COA1: variants seen among roughly 807,000 people sequenced by gnomAD.
The protein encoded by COA1 is cytochrome c oxidase assembly factor 1.
A neutral mutation model predicts 16.0 loss-of-function variants in COA1; 13 were observed. The observed-to-expected ratio is 0.81, with a 90% CI of 0.53 to 1.29. The LOEUF is 1.29. Among genes scored for constraint, COA1 ranks in the 50% most tolerant of loss-of-function variants. The probability of loss-of-function intolerance (pLI) is 0.00; values close to 1 mark genes in which losing one functional copy is unlikely to be tolerated. For synonymous variants in COA1, 65 were observed against 65.7 expected (o/e 0.99, Z 0.05); for missense variants, 179 against 177.0 (o/e 1.01, Z -0.06).
chr7:43,644,755 TAGATAGGCAGGCAGGC>T (rs2088485814), intron 4 of COA1, among the ~76,000 whole-genome samples: 2 of 115,414 alleles, frequency 1.7e-5, no homozygotes, highest in Admixed American at 9.5e-5. Flanking sequence ...GATAGATAGA[TAGATAGGCAGGCAGGC>T]AGGCAGGCAG....
intron 1 of COA1, among the ~76,000 whole-genome samples, chr7:43,688,980 C>CA (rs975215037): frequency 6.6e-6 from 1 of 152,046 alleles, no homozygotes; most frequent in African/African-American, 2.4e-5. Context: ...TTCTATCACA[C>CA]AAAAAAGAAG....
At chr7:43,638,646 GCTCA>G (rs1457283241), downstream of COA1, among the ~76,000 whole-genome samples, 1 of 145,136 alleles carries the variant, frequency 6.9e-6, no homozygotes, top group African/African-American at 2.6e-5. Context: ...TGAAATCTTG[GCTCA>G]CTGCAGCCTC....
At chr7:43,674,808 A>G (rs960261944) in intron 1 of COA1, among the ~76,000 whole-genome samples, 2 of 152,166 alleles carry the variant, frequency 1.3e-5, no homozygotes, top group South Asian at 2.1e-4. Flanking sequence ...CAAACTTCCT[A>G]TAACTACTCT....
At chr7:43,689,899 A>G (rs972457055) in intron 1 of COA1, among the ~76,000 whole-genome samples, 10 of 152,226 alleles carry the variant, frequency 6.6e-5, no homozygotes, top group Admixed American at 6.5e-4. Context: ...CAAAAGGCAC[A>G]GCTTATAAAC....
chr7:43,691,070 A>AC (rs1554541665), intron 1 of COA1, among the ~76,000 whole-genome samples: 6 of 137,064 alleles, frequency 4.4e-5, no homozygotes, highest in Admixed American at 1.5e-4. Flanking sequence ...AAAAAAAAAA[A>AC]AAAAAAACAA....
chr7:43,617,511 T>G (rs2083460638), intron 6 of COA1, among the ~76,000 whole-genome samples: 3 of 151,904 alleles, frequency 2.0e-5, no homozygotes, highest in Non-Finnish European at 4.4e-5. Context: ...ATGGCCAAGA[T>G]GATTGTTAGT....
At position 43,715,946 on chromosome 7, in the gene COA1, T is replaced by C. The variant is rs575907150; in HGVS notation, c.-39+13483A>G. Among the ~76,000 whole-genome samples the C allele has an allele frequency of 2.6e-5, 4 of 152,314 alleles. No homozygotes were observed. The South Asian group carries it at 8.3e-4, about 32-fold the overall frequency. ...TGGTTTTATCAGGGGTTTCCGCTTT[T>C]GCATCCTCCTCATTCTCTCTTTGCC... On this transcript the variant is annotated intron_variant, in intron 1 of 5. Transcript: ENST00000223336.
At chr7:43,727,089 T>C (rs2095632198) in intron 1 of COA1, among the ~76,000 whole-genome samples, 1 of 152,172 alleles carries the variant, frequency 6.6e-6, no homozygotes, top group Non-Finnish European at 1.5e-5. Flanking sequence ...TTGTATACAT[T>C]TATCAAAATA....
At chr7:43,728,872 AC>A (rs1213253422) in intron 1 of COA1, among the ~76,000 whole-genome samples, 1 of 152,076 alleles carries the variant, frequency 6.6e-6, no homozygotes, top group Non-Finnish European at 1.5e-5. Flanking sequence ...CACAGCATCC[AC>A]CCCCAAACAC....
At chr7:43,658,247 G>A (rs1300538605) in intron 1 of COA1, among the ~76,000 whole-genome samples, 1 of 151,726 alleles carries the variant, frequency 6.6e-6, no homozygotes, top group African/African-American at 2.4e-5. Context: ...ATGGTGGCGG[G>A]CACCGGGAGG....
Position 43,650,013 on chromosome 7 carries a change from A to C in COA1, c.-38-1361T>G, listed in dbSNP as rs574163304. The C allele has an allele frequency of 2.0e-5, 3 of 152,546 alleles. No individual in the cohort carries two copies. The East Asian group carries it at 5.8e-4, about 29-fold the overall frequency. The allele number at this position is 152,546 out of a possible 1,614,324, so 9.4% of individuals were successfully genotyped here. A position where few individuals can be genotyped will look rare whatever the true frequency, so the allele number is the denominator to read the frequency against. ...ACAGCTTCAAATCCAGGAAATGACA[A>C]ACAAAGGCAGAGTGAGCAGAAACAA... On this transcript the variant is annotated intron_variant, in intron 1 of 5. Transcript: ENST00000223336.
intron 6 of COA1, among the ~76,000 whole-genome samples, chr7:43,633,923 C>T (rs772903502): frequency 8.6e-5 from 13 of 151,998 alleles, no homozygotes; most frequent in Admixed American, 2.0e-4. Context: ...CTGTTTTCTC[C>T]GCTCAGATTT....
chr7:43,642,173 G>T (rs1352288276), intron 4 of COA1: 1 of 152,342 alleles, frequency 6.6e-6, no homozygotes, highest in Admixed American at 6.5e-5. Flanking sequence ...TCTTTGGCCG[G>T]GTATGGTGGC....
At chr7:43,632,863 A>G (rs1330810837) in intron 6 of COA1, 1 of 152,208 alleles carries the variant, frequency 6.6e-6, no homozygotes, top group African/African-American at 2.4e-5. Flanking sequence ...TTTGAAAGAA[A>G]TCTATTTTTT....
chr7:43,642,654 T>C (rs947900880), intron 4 of COA1, among the ~76,000 whole-genome samples: 1 of 152,128 alleles, frequency 6.6e-6, no homozygotes, highest in African/African-American at 2.4e-5. Flanking sequence ...GAGGGGCCAA[T>C]GTCTGAACTG....
At chr7:43,661,895 G>T (rs1240943951) in intron 1 of COA1, among the ~76,000 whole-genome samples, 1 of 152,164 alleles carries the variant, frequency 6.6e-6, no homozygotes, top group East Asian at 1.9e-4. Context: ...TGAAAGTAAT[G>T]AATATGAATT....
chr7:43,683,527 G>A (rs1334279274), intron 1 of COA1, among the ~76,000 whole-genome samples: 3 of 152,008 alleles, frequency 2.0e-5, no homozygotes, highest in South Asian at 2.1e-4. Context: ...CCAGCTACTC[G>A]GGAGTCTGAG....
At chr7:43,623,885 CTGAG>C (rs1203921490) in intron 6 of COA1, 4 of 1,520,080 alleles carry the variant, frequency 2.6e-6, no homozygotes, top group South Asian at 1.4e-5. Context: ...GTTAAGAAAC[CTGAG>C]TAAGTATTAT....
chr7:43,683,248 GT>G (rs963069116), intron 1 of COA1, among the ~76,000 whole-genome samples: 4 of 151,930 alleles, frequency 2.6e-5, no homozygotes, highest in Admixed American at 1.3e-4. Context: ...ATATAGTTGT[GT>G]TTTTTTTCCT....
Sources: allele counts gnomAD v4.1 joint callset (sites outside exome capture counted in the v4.1 genomes callset), GRCh38; gene constraint gnomAD v4.1.1; transcripts MANE v1.5; gene names NCBI Gene and HGNC (gene_info 2026-07-23, HGNC 2026-07-21).